Variants in KIF3C observed in about 807,000 individuals in gnomAD.
The protein encoded by KIF3C is kinesin-like protein KIF3C.
A neutral mutation model predicts 67.7 loss-of-function variants in KIF3C; 12 were observed. That is an observed-to-expected ratio of 0.18 (90% CI 0.11 to 0.29). The LOEUF (loss-of-function observed/expected upper bound fraction) is 0.29, where lower values mean the gene tolerates loss of function less well. Among genes scored for constraint, KIF3C ranks in the 10% least tolerant of loss-of-function variants. The pLI is 1.00. For missense variants in KIF3C, 789 were observed against 1,059.6 expected, an observed-to-expected ratio of 0.74 and a Z score of 3.55; for synonymous variants, 393 against 426.2, an observed-to-expected ratio of 0.92 and a Z score of 0.96.
intron 5 of KIF3C, among the ~76,000 whole-genome samples, chr2:25,935,851 G>A (rs1574478652): frequency 6.6e-6 from 1 of 151,970 alleles, no homozygotes; most frequent in South Asian, 2.1e-4. Flanking sequence ...GCCAAGGTGG[G>A]TGGATCACGA....
intron 5 of KIF3C, chr2:25,934,217 AG>A (rs2090486220): frequency 2.1e-6 from 1 of 466,228 alleles, no homozygotes; most frequent in Non-Finnish European, 4.4e-6. Context: ...GTCTGGGGAA[AG>A]GGGTTTTGAG....
At chr2:25,953,075 C>T (rs988356981) in intron 4 of KIF3C, among the ~76,000 whole-genome samples, 1 of 151,490 alleles carries the variant, frequency 6.6e-6, no homozygotes, top group Non-Finnish European at 1.5e-5. Flanking sequence ...TTGAGACCAC[C>T]CTGGCCAACA....
chr2:25,980,928 C>A lies in KIF3C; in HGVS notation c.990G>T (p.Leu330=), dbSNP rs1015810638. ...SKLTRLLQDS[L]GGNAKTIMVA... ...CCATGATGGTCTTGGCATTCCCCCC[C>A]AGGGAGTCCTGGAGCAGCCGGGTCA... Residue 330 remains leucine (L), a synonymous_variant, in exon 1 of 8, where the codon CTG becomes CTT. Coordinates refer to ENST00000264712, the MANE Select transcript of KIF3C (RefSeq NM_002254.8). The surrounding 1 kb of genome is among the most constrained non-coding windows in gnomAD (Gnocchi z 7.6). The A allele has an allele frequency of 4.3e-6, 7 of 1,614,194 alleles. No individual in the cohort carries two copies. Among genetic ancestry groups the A allele is most frequent in the Middle Eastern group, 1.6e-4 (1 of 6,062 alleles).
At chr2:25,930,127 A>C (rs982124040) in intron 5 of KIF3C, 64 bp from the exon 6 acceptor site, 5 of 1,320,668 alleles carry the variant, frequency 3.8e-6, no homozygotes, top group Non-Finnish European at 5.5e-6. Context: ...TGACATCATG[A>C]GGACCTAAAT....
At chr2:25,963,697 A>C (rs901646422) in intron 1 of KIF3C, among the ~76,000 whole-genome samples, 1 of 147,312 alleles carries the variant, frequency 6.8e-6, no homozygotes, top group Non-Finnish European at 1.5e-5. Context: ...TATTATTATT[A>C]TTATTATTAT....
At chr2:25,965,729 A>T (rs1664125182) in intron 1 of KIF3C, among the ~76,000 whole-genome samples, 1 of 151,832 alleles carries the variant, frequency 6.6e-6, no homozygotes, top group African/African-American at 2.4e-5. Context: ...AGCAGAGGAC[A>T]TGAGAATGTG....
At chr2:25,931,998 G>GTTTT (rs768781708) in intron 5 of KIF3C, among the ~76,000 whole-genome samples, 1 of 113,122 alleles carries the variant, frequency 8.8e-6, no homozygotes, top group African/African-American at 3.5e-5. Flanking sequence ...TGTTTCTTCT[G>GTTTT]TTTTGTTTTT....
chr2:25,934,246 G>A, intron 5 of KIF3C: 1 of 459,818 alleles, frequency 2.2e-6, no homozygotes, highest in Non-Finnish European at 4.5e-6. Context: ...AGGAGTAACT[G>A]CTAATTGGTT....
chr2:25,954,260 G>T lies in KIF3C; in HGVS notation c.1889+7C>A. 1 of 1,603,958 alleles carries T rather than the reference G, an allele frequency of 6.2e-7. No individual in the cohort carries two copies. ...GGACCCGGGATGAAAAGAGCTGCGG[G>T]CCCTACTTGAGCTTGAGTTCGCGGG... On this transcript the variant is annotated splice_region_variant and intron_variant, in intron 4 of 7. Transcript: ENST00000264712.
chr2:25,931,321 G>A (rs1186718649), intron 5 of KIF3C, among the ~76,000 whole-genome samples: 6 of 152,004 alleles, frequency 3.9e-5, no homozygotes, highest in Non-Finnish European at 8.8e-5. Context: ...AGCTGGGCAT[G>A]GTGGTGCATG....
chr2:25,932,003 G>T (rs13014538), intron 5 of KIF3C, among the ~76,000 whole-genome samples: 6,172 of 95,888 alleles, frequency 0.064, 176 homozygotes, highest in Middle Eastern at 0.12. Flanking sequence ...CTTCTGTTTT[G>T]TTTTTTTTTT....
intron 1 of KIF3C, among the ~76,000 whole-genome samples, chr2:25,956,969 C>A (rs1663820890): frequency 6.6e-6 from 1 of 152,170 alleles, no homozygotes; most frequent in Non-Finnish European, 1.5e-5. Flanking sequence ...CAAGAAGGAA[C>A]AGCACGGGCC....
intron 1 of KIF3C, among the ~76,000 whole-genome samples, chr2:25,973,464 G>C (rs1664331541): frequency 6.6e-6 from 1 of 150,478 alleles, no homozygotes; most frequent in Non-Finnish European, 1.5e-5. Context: ...TGAGGCAGGA[G>C]AATTGCTTGA....
chr2:25,966,934 C>G (rs1302564794), intron 1 of KIF3C, among the ~76,000 whole-genome samples: 1 of 152,228 alleles, frequency 6.6e-6, no homozygotes, highest in Non-Finnish European at 1.5e-5. Context: ...AAGGCCCAGA[C>G]AGGCGAAGTG....
At chr2:25,959,234 C>G (rs1574490281) in intron 1 of KIF3C, among the ~76,000 whole-genome samples, 1 of 152,152 alleles carries the variant, frequency 6.6e-6, no homozygotes, top group Admixed American at 6.6e-5. Flanking sequence ...CTTGAAATTG[C>G]TCTTTCGGGC....
rs912662486 is a variant in KIF3C at position 25,980,149 on chromosome 2, C to A, written c.1545+224G>T. 6.6e-6 allele frequency among the ~76,000 whole-genome samples: 1 copy of A among 152,192 alleles called. No individual in the cohort carries two copies. Among genetic ancestry groups the A allele is most frequent in the African/African-American group, 2.4e-5 (1 of 41,458 alleles). ...CAAGCTCACTGGCTTGAGAGACCGC[C>A]TGTCCACGTTGCTTCGTGTGTGTGT... On this transcript the variant is annotated intron_variant, in intron 1 of 7. Transcript: ENST00000264712. This position sits in a 1 kb window ranked among gnomAD's most constrained non-coding sequence, Gnocchi z 7.6.
At chr2:25,937,356 C>T (rs1454369540) in intron 5 of KIF3C, among the ~76,000 whole-genome samples, 1 of 152,130 alleles carries the variant, frequency 6.6e-6, no homozygotes, top group Non-Finnish European at 1.5e-5. Flanking sequence ...AAAAAGGTGC[C>T]GTACCCCATT....
Position 25,982,182 on chromosome 2 carries a change from G to C in KIF3C, c.-265C>G, listed in dbSNP as rs758241841. 1.2e-4 allele frequency: 53 copies of C among 448,888 alleles called. No individual in the cohort carries two copies. Among genetic ancestry groups the C allele is most frequent in the Non-Finnish European group, 1.7e-4 (44 of 255,574 alleles). 27.8% of individuals were successfully genotyped at this position (448,888 alleles called of 1,614,324 possible). On this transcript the variant is annotated 5_prime_UTR_variant, in exon 1 of 8. Coordinates refer to ENST00000264712, the MANE Select transcript of KIF3C (RefSeq NM_002254.8). ...AGTCGCCGCGGGAGCAGCGCCTGCC[G>C]AGCAGCCGTGCCCGGAGCCCGCCCC... is the stretch of plus-strand genomic sequence containing the variant.
chr2:25,956,527 T>C, intron 1 of KIF3C, 83 bp from the exon 2 acceptor site: 1 of 1,040,690 alleles, frequency 9.6e-7, no homozygotes. Context: ...TTCCCTGCTC[T>C]GTGGTCCTTC....
Sources: allele counts gnomAD v4.1 joint callset (sites outside exome capture counted in the v4.1 genomes callset), GRCh38; gene constraint gnomAD v4.1.1; non-coding constraint Gnocchi (gnomAD v3.1); transcripts MANE v1.5; gene names NCBI Gene and HGNC (gene_info 2026-07-23, HGNC 2026-07-21).